ZCCHC2: variants seen among roughly 807,000 people sequenced by gnomAD.
ZCCHC2 encodes zinc finger CCHC-type containing 2.
In ZCCHC2, 39 loss-of-function variants were observed where a neutral mutation model predicts 103.6. The observed-to-expected ratio is 0.38, with a 90% CI of 0.29 to 0.49. The LOEUF (loss-of-function observed/expected upper bound fraction) is 0.49, where lower values mean the gene tolerates loss of function less well. Ranked by LOEUF, ZCCHC2 falls within the 20% of genes least tolerant of loss-of-function variation. The pLI is 0.96. For missense variants in ZCCHC2, 1,483 were observed against 1,491.0 expected (o/e 0.99, Z 0.09); for synonymous variants, 687 against 608.9 (o/e 1.13, Z -1.89).
At chr18:62,575,712 G>C (rs1346020906) in intron 13 of ZCCHC2, among the ~76,000 whole-genome samples, 162 bp downstream of exon 13, 2 of 152,214 alleles carry the variant, frequency 1.3e-5, no homozygotes, top group African/African-American at 4.8e-5. Flanking sequence ...TGGAAAAACA[G>C]TGTAGACCCA....
Position 62,524,030 on chromosome 18 carries a change from C to CAAA in ZCCHC2, c.608_610dup (p.Lys203dup). The CAAA allele has an allele frequency of 6.8e-7, 1 of 1,469,190 alleles. No individual in the cohort carries two copies. The highest frequency in any genetic ancestry group is 1.4e-5 in the South Asian group (1 of 72,684). The allele number at this position is 1,469,190 out of a possible 1,614,324, so 91.0% of individuals were successfully genotyped here. On this transcript the variant is annotated inframe_insertion, in exon 1 of 14. Coordinates refer to ENST00000269499, the MANE Select transcript of ZCCHC2 (RefSeq NM_017742.6). ...TGCTACCCCAGGTGGACTCGGTGCT[C>CAAA]AAAAGCCTGCGCGCGGCCCGGGGCG...
rs767507156 is a variant in ZCCHC2, at chr18:62,575,212, G to A, written c.3131G>A (p.Arg1044Gln). 5 of 1,613,974 alleles carry A rather than the reference G, an allele frequency of 3.1e-6. No individual in the cohort carries two copies. The highest frequency in any genetic ancestry group is 4.2e-6 in the Non-Finnish European group (5 of 1,179,886). ...YPNPMPGPMY[R>Q]VPSFFTLPSI... The stretch of plus-strand genomic sequence containing the variant: ...AATCCAATGCCTGGACCAATGTACC[G>A]AGTCCCTTCATTCTTTACTCTGCCA... The change falls in exon 13 of 14, where the codon CGA (arginine) becomes CAA (glutamine). Residue 1044 changes from arginine to glutamine, a missense_variant. By Grantham distance (43) the Arg-to-Gln change is conservative. Transcript: ENST00000269499.
chr18:62,524,429 G>A, intron 1 of ZCCHC2, 66 bp downstream of exon 1: 4 of 1,424,616 alleles, frequency 2.8e-6, no homozygotes, highest in Non-Finnish European at 3.6e-6. Context: ...CCCCGGCCTC[G>A]CTCTCGGACG....
chr18:62,526,298 G>A (rs190933313), intron 1 of ZCCHC2: 2 of 152,416 alleles, frequency 1.3e-5, no homozygotes, highest in Admixed American at 6.5e-5. Context: ...GACGTGTCAA[G>A]TGAAGTGGGG....
chr18:62,583,101 CT>C (rs1218526835), downstream of ZCCHC2, among the ~76,000 whole-genome samples: 11 of 149,868 alleles, frequency 7.3e-5, no homozygotes, highest in Non-Finnish European at 7.4e-5. Context: ...GAGACCGTGT[CT>C]TTTTTTTTTA....
At chr18:62,564,101 C>A (rs897546033) in intron 9 of ZCCHC2, among the ~76,000 whole-genome samples, 1 of 152,180 alleles carries the variant, frequency 6.6e-6, no homozygotes, top group Non-Finnish European at 1.5e-5. Context: ...TGCATTAAAG[C>A]ATATTCTGAG....
chr18:62,553,544 A>G (rs1351646186), intron 5 of ZCCHC2, among the ~76,000 whole-genome samples: 4 of 152,112 alleles, frequency 2.6e-5, no homozygotes, highest in African/African-American at 9.6e-5. Context: ...CTCTCCAGGT[A>G]TATATTCTTA....
rs1480083332 is a variant in ZCCHC2, at chr18:62,576,651, A to T, written c.*72A>T. Reference sequence around the variant, plus strand: ...TGGGGTGTGGAGGGGAGGAAAGGAAAGGTATTTTGTTTCTTTGTCTATACA... The same window carrying T: ...TGGGGTGTGGAGGGGAGGAAAGGAATGGTATTTTGTTTCTTTGTCTATACA... On this transcript the variant is annotated 3_prime_UTR_variant, in exon 14 of 14. Transcript: ENST00000269499. The T allele has an allele frequency of 2.1e-6, 3 of 1,431,870 alleles. No individual in the cohort carries two copies. In the African/African-American group the frequency reaches 4.2e-5, roughly 20 times the overall value. The allele number at this position is 1,431,870 out of a possible 1,614,324, so 88.7% of individuals were successfully genotyped here.
intron 3 of ZCCHC2, among the ~76,000 whole-genome samples, chr18:62,544,389 T>G (rs1915325000): frequency 6.6e-6 from 1 of 152,172 alleles, no homozygotes; most frequent in Non-Finnish European, 1.5e-5. Context: ...GGCAGTAAAC[T>G]CTAGTTATTT....
chr18:62,584,144 G>A (rs1917111702), intron 14 of ZCCHC2, among the ~76,000 whole-genome samples: 1 of 152,150 alleles, frequency 6.6e-6, no homozygotes, highest in Admixed American at 6.5e-5. Flanking sequence ...CCCCTGAATT[G>A]GAACATGGGT....
At chr18:62,554,820 C>G (rs1009003357) in intron 5 of ZCCHC2, among the ~76,000 whole-genome samples, 6 of 152,216 alleles carry the variant, frequency 3.9e-5, no homozygotes, top group African/African-American at 7.2e-5. Context: ...TCAGTTCTTT[C>G]ATCTCTTAAT....
intron 4 of ZCCHC2, among the ~76,000 whole-genome samples, chr18:62,549,769 A>T (rs961185424): frequency 6.6e-6 from 1 of 152,222 alleles, no homozygotes; most frequent in Non-Finnish European, 1.5e-5. Flanking sequence ...CCTCAATCAC[A>T]TGAGGCACCT....
intron 11 of ZCCHC2, among the ~76,000 whole-genome samples, chr18:62,566,970 CCATT>C (rs763293180): frequency 1.3e-5 from 2 of 152,138 alleles, no homozygotes; most frequent in Non-Finnish European, 2.9e-5. Flanking sequence ...TCACAAACTC[CCATT>C]CATTTTTTTC....
intron 1 of ZCCHC2, 90 bp from the exon 2 acceptor site, chr18:62,539,591 T>C (rs1023011764): frequency 8.7e-7 from 1 of 1,147,530 alleles, no homozygotes; most frequent in Non-Finnish European, 1.3e-6. Flanking sequence ...GCCACTAAAA[T>C]GGTTGTTAGT....
intron 11 of ZCCHC2, among the ~76,000 whole-genome samples, chr18:62,566,252 A>G (rs1916359818): frequency 6.6e-6 from 1 of 152,214 alleles, no homozygotes; most frequent in Non-Finnish European, 1.5e-5. Context: ...TCTCAAATAA[A>G]TAAATAAATA....
chr18:62,574,496 TCCC>T lies in ZCCHC2; in HGVS notation c.2416_2418del (p.Pro806del). 1 of 1,613,992 alleles carries T rather than the reference TCCC, an allele frequency of 6.2e-7. No individual in the cohort carries two copies. Among genetic ancestry groups the T allele is most frequent in the South Asian group, 1.1e-5 (1 of 91,082 alleles). On this transcript the variant is annotated inframe_deletion, in exon 13 of 14. Transcript: ENST00000269499. ...CAACCTTCCTTCCACACAGTAGTACTCCCGCTTTGCATCTTACAGTTCAGAGGC... is the reference window on the plus strand; with the variant it reads ...CAACCTTCCTTCCACACAGTAGTACTGCTTTGCATCTTACAGTTCAGAGGC...
intron 1 of ZCCHC2, among the ~76,000 whole-genome samples, chr18:62,529,851 C>G (rs898649765): frequency 3.3e-5 from 5 of 152,140 alleles, no homozygotes; most frequent in African/African-American, 1.2e-4. Context: ...GGGGATTCAA[C>G]CAACTATGGA....
intron 8 of ZCCHC2, among the ~76,000 whole-genome samples, chr18:62,560,871 T>C (rs1229306962): frequency 6.6e-6 from 1 of 152,118 alleles, no homozygotes; most frequent in African/African-American, 2.4e-5. Flanking sequence ...CCCTATCATC[T>C]TTGATAGTTT....
intron 11 of ZCCHC2, among the ~76,000 whole-genome samples, chr18:62,568,320 T>C (rs959082853): frequency 6.6e-6 from 1 of 152,196 alleles, no homozygotes; most frequent in African/African-American, 2.4e-5. Context: ...AAAAGGGCAA[T>C]TTGTGGAGTA....
Sources: allele counts gnomAD v4.1 joint callset (sites outside exome capture counted in the v4.1 genomes callset), GRCh38; gene constraint gnomAD v4.1.1; transcripts MANE v1.5; gene names NCBI Gene and HGNC (gene_info 2026-07-23, HGNC 2026-07-21).